The following CA10 variants were observed in gnomAD, a reference collection of about 807,000 sequenced individuals.
CA10 encodes carbonic anhydrase 10 (inactive).
Under a neutral mutation model 44.2 loss-of-function variants are expected in CA10, and 14 were observed. That is an observed-to-expected ratio of 0.32 (90% CI 0.21 to 0.50). The LOEUF is 0.50. CA10 is among the 20% of genes least tolerant of loss of function. CA10 has a pLI of 0.99. For synonymous variants in CA10, 159 were observed against 141.6 expected, an observed-to-expected ratio of 1.12 and a Z score of -0.87; for missense variants, 350 against 409.7, an observed-to-expected ratio of 0.85 and a Z score of 1.26.
intron 1 of CA10, among the ~76,000 whole-genome samples, chr17:52,148,182 G>C (rs951693396): frequency 6.6e-6 from 1 of 152,152 alleles, no homozygotes; most frequent in Non-Finnish European, 1.5e-5. Context: ...AGTGGGGTAG[G>C]CTATTCTCCC....
At chr17:52,119,910 G>A (rs1988976116) in intron 1 of CA10, among the ~76,000 whole-genome samples, 1 of 152,144 alleles carries the variant, frequency 6.6e-6, no homozygotes, top group Non-Finnish European at 1.5e-5. Context: ...ACCAACCAGT[G>A]ATCTCCAACT....
chr17:52,020,701 T>C (rs1319136113), intron 2 of CA10, among the ~76,000 whole-genome samples: 1 of 152,026 alleles, frequency 6.6e-6, no homozygotes, highest in African/African-American at 2.4e-5. Flanking sequence ...GTAGGTTTGT[T>C]ACATGGATAT....
chr17:52,132,768 C>T (rs1279643000), intron 1 of CA10, among the ~76,000 whole-genome samples: 2 of 152,064 alleles, frequency 1.3e-5, no homozygotes, highest in East Asian at 1.9e-4. Flanking sequence ...TATAGGTTAA[C>T]ACAATAGAAA....
At chr17:52,047,062 A>G (rs1986931984) in intron 2 of CA10, among the ~76,000 whole-genome samples, 1 of 151,978 alleles carries the variant, frequency 6.6e-6, no homozygotes. Flanking sequence ...AACAAAATCT[A>G]GAAGCAACTC....
At chr17:52,148,205 G>A (rs969453821) in intron 1 of CA10, among the ~76,000 whole-genome samples, 1 of 152,110 alleles carries the variant, frequency 6.6e-6, no homozygotes, top group Admixed American at 6.5e-5. Context: ...AAGCACTCTA[G>A]TTCAACACAC....
At chr17:51,816,891 T>A (rs749463965) in intron 3 of CA10, among the ~76,000 whole-genome samples, 6 of 152,232 alleles carry the variant, frequency 3.9e-5, no homozygotes, top group Non-Finnish European at 8.8e-5. Flanking sequence ...GCTTGGTTCC[T>A]GGATGACTGC....
At chr17:51,846,438 G>A (rs1466410551) in intron 3 of CA10, among the ~76,000 whole-genome samples, 3 of 152,194 alleles carry the variant, frequency 2.0e-5, no homozygotes, top group Admixed American at 6.5e-5. Context: ...CCAATCTTAT[G>A]TGCCCCTTGT....
chr17:51,711,625 C>T (rs976012544), intron 4 of CA10, among the ~76,000 whole-genome samples: 2 of 152,082 alleles, frequency 1.3e-5, no homozygotes, highest in African/African-American at 4.8e-5. Flanking sequence ...GGATATGGTC[C>T]CCAGAAAAGG....
intron 3 of CA10, among the ~76,000 whole-genome samples, chr17:51,901,041 A>C (rs55735510): frequency 3.3e-5 from 5 of 152,202 alleles, no homozygotes; most frequent in Admixed American, 6.5e-5. Flanking sequence ...GTTAAAAACC[A>C]CTGCTGGAGA....
intron 1 of CA10, among the ~76,000 whole-genome samples, chr17:52,100,371 T>C (rs1239773643): frequency 6.6e-6 from 1 of 152,092 alleles, no homozygotes; most frequent in Admixed American, 6.5e-5. Flanking sequence ...TATAGGAGTT[T>C]CTGTCTGCCT....
intron 1 of CA10, among the ~76,000 whole-genome samples, chr17:52,107,102 G>C (rs933375168): frequency 6.6e-6 from 1 of 152,066 alleles, no homozygotes; most frequent in Admixed American, 6.6e-5. Flanking sequence ...AGTTCACATG[G>C]GCCTACCCTC....
chr17:51,718,201 C>G (rs1010178069), intron 4 of CA10, among the ~76,000 whole-genome samples: 2 of 149,064 alleles, frequency 1.3e-5, no homozygotes, highest in Admixed American at 1.3e-4. Context: ...CCACCTGTAC[C>G]CCAATAATTT....
chr17:52,021,776 C>A (rs747388461), intron 2 of CA10, among the ~76,000 whole-genome samples: 2 of 152,052 alleles, frequency 1.3e-5, no homozygotes, highest in African/African-American at 4.8e-5. Flanking sequence ...TTATGAACAC[C>A]TCTATGCACA....
In CA10 at chr17:52,080,930, C is replaced by T. The variant is rs547101542; in HGVS notation, c.62-8537G>A. Among the ~76,000 whole-genome samples the T allele has an allele frequency of 1.9e-3, 291 of 152,162 alleles. 2 individuals carry two copies. The highest frequency in any genetic ancestry group is 6.6e-3 in the African/African-American group (276 of 41,524). On this transcript the variant is annotated intron_variant, in intron 1 of 8. Coordinates refer to ENST00000451037, the MANE Select transcript of CA10 (RefSeq NM_020178.5). ...AATTCAAGAAACATCTAGTGAGTAC[C>T]TATGATTGTCAGTAAGTATTCTAAG...
In CA10 at chr17:51,787,512, G is replaced by C. The variant is rs193279000; in HGVS notation, c.280-39694C>G. Among the ~76,000 whole-genome samples the C allele has an allele frequency of 4.5e-4, 66 of 147,726 alleles. 2 individuals are homozygous for C. Among genetic ancestry groups the C allele is most frequent in the South Asian group, 1.1e-3 (5 of 4,698 alleles). On this transcript the variant is annotated intron_variant, in intron 3 of 8. Transcript: ENST00000451037. ...TCTTTTTTTTCCTTTTTTTTTTTGA[G>C]ACACCCTCCTCTCTGTCACCCAGGC...
intron 2 of CA10, among the ~76,000 whole-genome samples, chr17:51,943,178 C>A (rs972235451): frequency 3.9e-5 from 6 of 152,164 alleles, no homozygotes; most frequent in Non-Finnish European, 7.4e-5. Flanking sequence ...TCTTAGCACC[C>A]CTAATTTAAA....
intron 3 of CA10, among the ~76,000 whole-genome samples, chr17:51,915,963 G>T (rs117381736): frequency 0.044 from 6,224 of 140,298 alleles, 165 homozygotes; most frequent in Non-Finnish European, 0.06. Context: ...TTAAGATTTT[G>T]GTTAAAAAAA....
At chr17:51,893,907 T>A (rs932372803) in intron 3 of CA10, among the ~76,000 whole-genome samples, 2 of 152,090 alleles carry the variant, frequency 1.3e-5, no homozygotes, top group Admixed American at 1.3e-4. Flanking sequence ...TTTGTTACAA[T>A]TTACAAAAAC....
intron 6 of CA10, among the ~76,000 whole-genome samples, chr17:51,648,131 C>G (rs561706622): frequency 1.3e-5 from 2 of 152,312 alleles, no homozygotes; most frequent in African/African-American, 2.4e-5. Flanking sequence ...GAAGCATTCT[C>G]CATACTCTCC....
Sources: gnomAD v4.1 joint callset for allele counts (sites outside exome capture counted in the v4.1 genomes callset) on GRCh38, gnomAD v4.1.1 for gene constraint, MANE v1.5 for transcripts, NCBI Gene and HGNC (gene_info 2026-07-23, HGNC 2026-07-21) for gene names.